Variants in DCC observed in about 807,000 individuals in gnomAD.
DCC encodes the protein netrin receptor DCC.
In DCC, 58 loss-of-function variants were observed where a neutral mutation model predicts 172.5. The observed-to-expected ratio is 0.34, with a 90% CI of 0.27 to 0.42. The LOEUF is 0.42. DCC is among the 10% of genes least tolerant of loss of function. DCC has a pLI of 1.00. For synonymous variants in DCC, 709 were observed against 644.5 expected (o/e 1.10, Z -1.52); for missense variants, 1,740 against 1,791.0 (o/e 0.97, Z 0.51).
intron 5 of DCC, among the ~76,000 whole-genome samples, chr18:53,023,979 G>T (rs2041920900): frequency 6.6e-6 from 1 of 152,116 alleles, no homozygotes; most frequent in South Asian, 2.1e-4. Context: ...TTATGGTTCA[G>T]TTATGGTTCA....
At chr18:53,339,174 TA>T (rs972909960) in intron 14 of DCC, among the ~76,000 whole-genome samples, 1 of 152,226 alleles carries the variant, frequency 6.6e-6, no homozygotes, top group African/African-American at 2.4e-5. Flanking sequence ...CTTTTAATAA[TA>T]AATGCATTTT....
At chr18:52,957,118 A>G (rs2040757367) in intron 5 of DCC, among the ~76,000 whole-genome samples, 2 of 152,180 alleles carry the variant, frequency 1.3e-5, no homozygotes, top group Admixed American at 1.3e-4. Flanking sequence ...AGATATGTGA[A>G]AGGATATGTT....
Position 53,410,430 on chromosome 18 carries a change from T to C in DCC, c.2936-22T>C, listed in dbSNP as rs375456944. On this transcript the variant is annotated intron_variant, in intron 19 of 28. Transcript: ENST00000442544. ...GCAGCGTGTAGGACACCAAATTAAG[T>C]CACATTTGTCTATTTATGCAGCTTA... The C allele has an allele frequency of 2.2e-5, 33 of 1,513,362 alleles. No individual in the cohort carries two copies. In the Admixed American group the frequency reaches 2.5e-4, roughly 11 times the overall value. The allele number at this position is 1,513,362 out of a possible 1,614,324, so 93.7% of individuals were successfully genotyped here. A position where few individuals can be genotyped will look rare whatever the true frequency, so the allele number is the denominator to read the frequency against.
At chr18:53,033,573 T>G (rs1226769644) in intron 5 of DCC, among the ~76,000 whole-genome samples, 2 of 152,162 alleles carry the variant, frequency 1.3e-5, no homozygotes, top group Non-Finnish European at 2.9e-5. Context: ...TCTCTATCAA[T>G]GCACACTGGT....
chr18:53,207,531 G>C lies in DCC; in HGVS notation c.1723-148G>C, dbSNP rs149348478. 178 of 724,124 alleles carry C rather than the reference G, an allele frequency of 2.5e-4. 1 individual carries two copies. In the African/African-American group the frequency reaches 2.7e-3, roughly 11 times the overall value. The allele number at this position is 724,124 out of a possible 1,614,324, so 44.9% of individuals were successfully genotyped here. A position where few individuals can be genotyped will look rare whatever the true frequency, so the allele number is the denominator to read the frequency against. Reference sequence around the variant, plus strand: ...TAGTTGGTTTTTAGTGGGGGAGTCTGTGTCACAAGGTAGGTTTTATAGCTC... The same window carrying C: ...TAGTTGGTTTTTAGTGGGGGAGTCTCTGTCACAAGGTAGGTTTTATAGCTC... On this transcript the variant is annotated intron_variant, in intron 10 of 28. Transcript: ENST00000442544.
chr18:53,148,735 C>G (rs772803008), intron 7 of DCC, among the ~76,000 whole-genome samples: 6 of 152,106 alleles, frequency 3.9e-5, no homozygotes, highest in Non-Finnish European at 8.8e-5. Context: ...AGATTTTTCT[C>G]TGCAACCTGA....
intron 1 of DCC, among the ~76,000 whole-genome samples, chr18:52,480,153 C>A (rs1293129735): frequency 3.9e-5 from 6 of 152,174 alleles, no homozygotes; most frequent in Admixed American, 3.9e-4. Context: ...AAAGGACTTT[C>A]TCTTTCTCTT....
chr18:52,541,051 TG>T (rs2032431428), intron 1 of DCC, among the ~76,000 whole-genome samples: 1 of 152,230 alleles, frequency 6.6e-6, no homozygotes, highest in South Asian at 2.1e-4. Flanking sequence ...TGGTCCCGTT[TG>T]ATTCTCATAG....
intron 1 of DCC, among the ~76,000 whole-genome samples, chr18:52,375,237 A>G (rs2144309347): frequency 6.6e-6 from 1 of 152,304 alleles, no homozygotes; most frequent in Non-Finnish European, 1.5e-5. Context: ...TTACTATGAG[A>G]GGAGCCAAGA....
chr18:52,432,743 A>G (rs1301554609), intron 1 of DCC, among the ~76,000 whole-genome samples: 3 of 152,010 alleles, frequency 2.0e-5, no homozygotes, highest in African/African-American at 7.3e-5. Context: ...ATACACTATC[A>G]CTCTTTTATG....
chr18:53,418,480 A>G (rs1910449742), intron 21 of DCC, among the ~76,000 whole-genome samples: 1 of 152,098 alleles, frequency 6.6e-6, no homozygotes, highest in Non-Finnish European at 1.5e-5. Context: ...TGTTAGACCT[A>G]TTTGCCCCCT....
intron 5 of DCC, among the ~76,000 whole-genome samples, chr18:53,007,295 A>G (rs1043676821): frequency 6.6e-6 from 1 of 152,154 alleles, no homozygotes; most frequent in African/African-American, 2.4e-5. Context: ...TTTATAGTAA[A>G]TTTACGGTAG....
At chr18:53,255,429 T>C (rs559794395) in intron 12 of DCC, among the ~76,000 whole-genome samples, 81 of 139,786 alleles carry the variant, frequency 5.8e-4, no homozygotes, top group African/African-American at 2.0e-3. Context: ...TGTGTCCTCA[T>C]TGTTCACTTC....
intron 24 of DCC, among the ~76,000 whole-genome samples, chr18:53,461,681 C>T (rs142081912): frequency 3.3e-5 from 5 of 152,290 alleles, no homozygotes; most frequent in African/African-American, 1.2e-4. Flanking sequence ...ATTGCATAAA[C>T]AAGAAATACA....
chr18:53,284,332 C>A (rs1045948840), intron 12 of DCC, among the ~76,000 whole-genome samples: 2 of 152,124 alleles, frequency 1.3e-5, no homozygotes, highest in African/African-American at 4.8e-5. Context: ...CTCCCACAAT[C>A]CCACATGTTG....
intron 5 of DCC, among the ~76,000 whole-genome samples, chr18:53,018,139 G>T (rs1319277774): frequency 6.6e-6 from 1 of 152,086 alleles, no homozygotes; most frequent in African/African-American, 2.4e-5. Context: ...TGCACATTCT[G>T]CACATGTACC....
intron 1 of DCC, among the ~76,000 whole-genome samples, chr18:52,529,287 GTTTGTT>G (rs1313028928): frequency 2.0e-5 from 3 of 152,028 alleles, no homozygotes; most frequent in South Asian, 2.1e-4. Context: ...TTTTTGGTTT[GTTTGTT>G]TTTGTTTTTG....
intron 3 of DCC, 87 bp downstream of exon 3, chr18:52,906,415 TTGTTA>T: frequency 7.5e-7 from 1 of 1,341,180 alleles, no homozygotes; most frequent in Middle Eastern, 2.1e-4. Flanking sequence ...ATATTTGTAA[TTGTTA>T]TAAGTTCTGT....
intron 15 of DCC, among the ~76,000 whole-genome samples, chr18:53,361,331 C>T (rs1470772160): frequency 1.3e-5 from 2 of 152,038 alleles, no homozygotes; most frequent in African/African-American, 2.4e-5. Flanking sequence ...AATACAAAAC[C>T]GTAGTTGTTG....
Sources: gnomAD v4.1 joint callset for allele counts (sites outside exome capture counted in the v4.1 genomes callset) on GRCh38, gnomAD v4.1.1 for gene constraint, MANE v1.5 for transcripts, NCBI Gene and HGNC (gene_info 2026-07-23, HGNC 2026-07-21) for gene names.